Variants in ZRANB1 observed in about 807,000 individuals in gnomAD.
ZRANB1 encodes the protein ubiquitin thioesterase ZRANB1.
ZRANB1 carries 16 observed loss-of-function variants against 80.5 expected under a neutral mutation model. The observed-to-expected ratio is 0.20, with a 90% CI of 0.13 to 0.30. ZRANB1 has a LOEUF of 0.30. Ranked by LOEUF, ZRANB1 falls within the 10% of genes least tolerant of loss-of-function variation. The pLI is 1.00. For synonymous variants in ZRANB1, 291 were observed against 293.1 expected (o/e 0.99, Z 0.07); for missense variants, 576 against 862.6 (o/e 0.67, Z 4.16).
At chr10:124,929,380 G>T in the ZRANB1 span, among the ~76,000 whole-genome samples, 3 of 150,808 alleles carry the variant, frequency 2.0e-5, no homozygotes, top group Non-Finnish European at 1.5e-5. Context: ...CTGTTGCCCA[G>T]GCTGGAGTGC....
intron 1 of ZRANB1, among the ~76,000 whole-genome samples, chr10:124,951,727 C>A (rs1045301758): frequency 6.6e-6 from 1 of 152,026 alleles, no homozygotes; most frequent in African/African-American, 2.4e-5. Context: ...GAGAGCGGGG[C>A]GGTCGGATCA....
intron 1 of ZRANB1, among the ~76,000 whole-genome samples, chr10:124,964,592 C>T (rs1468563023): frequency 2.6e-5 from 4 of 152,206 alleles, no homozygotes; most frequent in Non-Finnish European, 4.4e-5. Flanking sequence ...TACATGCATA[C>T]ACGTATATAC....
the ZRANB1 span, among the ~76,000 whole-genome samples, chr10:124,931,524 C>T: frequency 5.3e-5 from 8 of 152,078 alleles, no homozygotes; most frequent in Non-Finnish European, 1.0e-4. Flanking sequence ...GTGCCCACCA[C>T]GACTCCCGGC....
chr10:124,969,671 C>G (rs1170724349), intron 2 of ZRANB1, among the ~76,000 whole-genome samples: 1 of 151,982 alleles, frequency 6.6e-6, no homozygotes, highest in Non-Finnish European at 1.5e-5. Context: ...GTAATAGCTA[C>G]CAAAATACTA....
At chr10:124,963,792 A>G (rs1951756362) in intron 1 of ZRANB1, among the ~76,000 whole-genome samples, 1 of 152,210 alleles carries the variant, frequency 6.6e-6, no homozygotes, top group East Asian at 1.9e-4. Flanking sequence ...GTTCAGTGAC[A>G]TTTTCATGAA....
the ZRANB1 span, among the ~76,000 whole-genome samples, chr10:124,934,511 A>G: frequency 1.3e-5 from 2 of 152,328 alleles, no homozygotes; most frequent in East Asian, 1.9e-4. Flanking sequence ...AGTGCTCTGG[A>G]TGGTAGACTT....
chr10:124,957,646 T>C (rs569834992), intron 1 of ZRANB1, among the ~76,000 whole-genome samples: 2 of 152,310 alleles, frequency 1.3e-5, no homozygotes, highest in East Asian at 3.9e-4. Flanking sequence ...AATGGAATCA[T>C]ACAGTATCTG....
rs1411855065 is a variant in ZRANB1 at position 124,981,847 on chromosome 10, C to A, written c.1548+18C>A. On this transcript the variant is annotated intron_variant, in intron 6 of 8. Transcript: ENST00000359653. ...CTAGTCAGGTGAGGATGCTTCAAGT[C>A]TTGTTGCTTCTATGAGAAAAGTAAG... The A allele has an allele frequency of 6.2e-7, 1 of 1,611,994 alleles. No homozygotes were observed. The highest frequency in any genetic ancestry group is 1.1e-5 in the South Asian group (1 of 90,546).
Position 124,987,437 on chromosome 10 carries a change from G to A in ZRANB1, c.*2445G>A, listed in dbSNP as rs973371208. On this transcript the variant is annotated 3_prime_UTR_variant, in exon 9 of 9. Coordinates refer to ENST00000359653, the MANE Select transcript of ZRANB1 (RefSeq NM_017580.3). ...AAAACCCAGGTGGACCATGGATTCA[G>A]ACCTGCCTTTTTATGTTTTTGACTC... The A allele has an allele frequency of 6.6e-6, 1 of 152,068 alleles. No individual in the cohort carries two copies. The highest frequency in any genetic ancestry group is 2.4e-5 in the African/African-American group (1 of 41,402). 9.4% of individuals were successfully genotyped at this position (152,068 alleles called of 1,614,324 possible).
chr10:124,943,728 G>A (rs1951556952), intron 1 of ZRANB1, among the ~76,000 whole-genome samples: 2 of 152,180 alleles, frequency 1.3e-5, no homozygotes, highest in African/African-American at 2.4e-5. Flanking sequence ...TTAAGTTAAA[G>A]CAAAGTTTTT....
upstream of ZRANB1, among the ~76,000 whole-genome samples, chr10:124,940,069 G>A (rs1410761720): frequency 6.6e-6 from 1 of 152,012 alleles, no homozygotes; most frequent in East Asian, 1.9e-4. Flanking sequence ...TTCCCTTTTA[G>A]TAATAGAGTA....
At chr10:124,941,638 C>T (rs1278790968), upstream of ZRANB1, among the ~76,000 whole-genome samples, 1 of 152,186 alleles carries the variant, frequency 6.6e-6, no homozygotes, top group Non-Finnish European at 1.5e-5. Context: ...GCTTGAGCTA[C>T]TGCCCCCGGC....
At chr10:124,947,872 C>T (rs1455547624) in intron 1 of ZRANB1, among the ~76,000 whole-genome samples, 2 of 152,146 alleles carry the variant, frequency 1.3e-5, no homozygotes, top group African/African-American at 4.8e-5. Context: ...CTTTGCCCTC[C>T]GTACAATCTG....
intron 1 of ZRANB1, among the ~76,000 whole-genome samples, chr10:124,955,302 C>A (rs966923607): frequency 1.3e-5 from 2 of 151,000 alleles, no homozygotes; most frequent in Non-Finnish European, 2.9e-5. Context: ...GTGGTATAAT[C>A]TCGGCTCACT....
chr10:124,980,859 T>C (rs1003894014), intron 5 of ZRANB1, among the ~76,000 whole-genome samples: 2 of 152,336 alleles, frequency 1.3e-5, no homozygotes, highest in South Asian at 2.1e-4. Context: ...TCCTCCTCCT[T>C]CAGCTTCCCA....
At chr10:124,933,656 A>G in the ZRANB1 span, among the ~76,000 whole-genome samples, 5 of 152,334 alleles carry the variant, frequency 3.3e-5, no homozygotes, top group East Asian at 9.6e-4. Context: ...TTCTGAGTGC[A>G]TGGTAAACCT....
chr10:124,958,610 A>G (rs1317838482), intron 1 of ZRANB1, among the ~76,000 whole-genome samples: 3 of 151,954 alleles, frequency 2.0e-5, no homozygotes, highest in Non-Finnish European at 4.4e-5. Context: ...TGAACTTTAT[A>G]TTTTGAATCA....
intron 1 of ZRANB1, among the ~76,000 whole-genome samples, chr10:124,954,668 G>A (rs1296942756): frequency 2.0e-5 from 3 of 148,914 alleles, no homozygotes; most frequent in East Asian, 2.1e-4. Context: ...GGCTGGTCTC[G>A]AACTCCTGAC....
upstream of ZRANB1, among the ~76,000 whole-genome samples, chr10:124,937,422 G>A (rs1325197061): frequency 1.3e-5 from 2 of 151,766 alleles, no homozygotes; most frequent in Non-Finnish European, 2.9e-5. Flanking sequence ...CTGACCTCAA[G>A]TGATCCACCC....
Sources: gnomAD v4.1 joint callset for allele counts (sites outside exome capture counted in the v4.1 genomes callset) on GRCh38, gnomAD v4.1.1 for gene constraint, MANE v1.5 for transcripts, NCBI Gene and HGNC (gene_info 2026-07-23, HGNC 2026-07-21) for gene names.